DNHD1: variants seen among roughly 807,000 people sequenced by gnomAD.
DNHD1 encodes the protein dynein heavy chain domain-containing protein 1.
Under a neutral mutation model 458.1 loss-of-function variants are expected in DNHD1, and 383 were observed. That is an observed-to-expected ratio of 0.84 (90% CI 0.77 to 0.91). The LOEUF is 0.91. DNHD1 is among the 40% of genes least tolerant of loss of function. The pLI is 0.00. For synonymous variants in DNHD1, 2,203 were observed against 2,376.9 expected (o/e 0.93, Z 2.13); for missense variants, 5,336 against 5,866.1 (o/e 0.91, Z 2.95).
intron 3 of DNHD1, among the ~76,000 whole-genome samples, chr11:6,501,300 G>T (rs1564993292): frequency 2.1e-5 from 1 of 48,210 alleles, no homozygotes; most frequent in Non-Finnish European, 3.9e-5. Flanking sequence ...TCTGGGTAGG[G>T]ATTTTTTTTT....
At position 6,518,711 on chromosome 11, in the gene DNHD1, A is replaced by G. The variant is rs145980895; in HGVS notation, c.1393-889A>G. ...TATGAAGTGGGAAGCACTGGGTATT[A>G]GGGAGTATTGTTAGAACATGGAAGA... On this transcript the variant is annotated intron_variant, in intron 7 of 42. Coordinates refer to ENST00000254579, the MANE Select transcript of DNHD1 (RefSeq NM_144666.3). Among the ~76,000 whole-genome samples the G allele has an allele frequency of 8.9e-3, 1,349 of 152,330 alleles. 19 individuals carry two copies. The highest frequency in any genetic ancestry group is 0.031 in the African/African-American group (1,268 of 41,562).
At chr11:6,541,162 T>C (rs899441024) in intron 18 of DNHD1, among the ~76,000 whole-genome samples, 3 of 152,208 alleles carry the variant, frequency 2.0e-5, no homozygotes, top group Non-Finnish European at 4.4e-5. Context: ...GGGAGTTACA[T>C]AGAAGACACT....
chr11:6,502,907 G>A lies in DNHD1; in HGVS notation c.901G>A (p.Ala301Thr), dbSNP rs745828515. 1 of 1,613,390 alleles carries A rather than the reference G, an allele frequency of 6.2e-7. No homozygotes were observed. The highest frequency in any genetic ancestry group is 8.5e-7 in the Non-Finnish European group (1 of 1,179,742). ...KKIHFLYLNV[A>T]PSRYFRPYSL... ...GATCCACTTCCTCTATCTCAATGTG[G>A]CTCCCAGCCGGTACTTTAGGTGATA... Residue 301 changes from alanine to threonine, a missense_variant, in exon 4 of 43, where the codon GCT (alanine) becomes ACT (threonine). By Grantham distance (58) the Ala-to-Thr change is moderately conservative (BLOSUM62 0). This residue lies in a region of DNHD1 where 3,932 missense variants were observed against 4,365.6 expected (regional missense o/e 0.90). Coordinates refer to ENST00000254579, the MANE Select transcript of DNHD1 (RefSeq NM_144666.3).
In DNHD1 at chr11:6,566,935, G is replaced by A. The variant is rs376586528; in HGVS notation, c.11426G>A (p.Arg3809His). The part of the protein sequence containing the change: ...LTMLLFQNPK[R>H]QKPAKFLRNI... ...ATGCTGCTGTTCCAGAATCCGAAGC[G>A]TCAGAAGCCAGCCAAGTTTCTGCGG... The change falls in exon 36 of 43, where the codon CGT becomes CAT. Residue 3809 changes from arginine to histidine, a missense_variant. Arg to His is a conservative substitution (Grantham distance 29, BLOSUM62 0). This residue lies in a region of DNHD1 where 695 missense variants were observed against 804.2 expected (regional missense o/e 0.86). Transcript: ENST00000254579. The A allele has an allele frequency of 8.1e-5, 131 of 1,613,776 alleles. 1 individual carries two copies. The highest frequency in any genetic ancestry group is 3.1e-4 in the African/African-American group (23 of 75,038).
intron 28 of DNHD1, among the ~76,000 whole-genome samples, chr11:6,561,653 G>A (rs1196644015): frequency 3.9e-5 from 6 of 152,188 alleles, no homozygotes; most frequent in East Asian, 3.9e-4. Context: ...AGCACAGAGC[G>A]TGTATATAAC....
At position 6,523,402 on chromosome 11, in the gene DNHD1, A is replaced by AT. The variant is rs570822757; in HGVS notation, c.1837+3122dup. On this transcript the variant is annotated intron_variant, in intron 10 of 42. Coordinates refer to ENST00000254579, the MANE Select transcript of DNHD1 (RefSeq NM_144666.3). ...ATTTATAGATGAGAGAGAAGGAAAG[A>AT]TTTTTTTTTCCTTGCCGCTCTGTGA... Among the ~76,000 whole-genome samples, 1,388 of 151,376 alleles carry AT rather than the reference A, an allele frequency of 9.2e-3. 18 individuals carry two copies. Among genetic ancestry groups the AT allele is most frequent in the African/African-American group, 0.031 (1,262 of 41,204 alleles).
intron 17 of DNHD1, 103 bp downstream of exon 17, chr11:6,539,416 T>C (rs544327998): frequency 8.0e-6 from 7 of 874,288 alleles, no homozygotes; most frequent in South Asian, 1.5e-5. Flanking sequence ...TAATGTGGGG[T>C]TGAGCCTGCT....
chr11:6,564,254 CT>C, intron 31 of DNHD1, 78 bp from the exon 32 acceptor site: 1 of 1,454,570 alleles, frequency 6.9e-7, no homozygotes, highest in Admixed American at 2.1e-5. Flanking sequence ...CACACCCCAC[CT>C]TGCCCTCCCT....
chr11:6,527,329 A>G (rs1852731132), intron 10 of DNHD1, among the ~76,000 whole-genome samples: 1 of 152,096 alleles, frequency 6.6e-6, no homozygotes, highest in Non-Finnish European at 1.5e-5. Flanking sequence ...GGGCTGGGGG[A>G]GGAGGGCAGG....
intron 7 of DNHD1, among the ~76,000 whole-genome samples, chr11:6,512,281 C>T (rs1205437661): frequency 3.2e-5 from 4 of 123,510 alleles, no homozygotes; most frequent in East Asian, 2.5e-4. Context: ...AGTGCAGTGG[C>T]GGGATCTCGG....
At chr11:6,523,439 T>C (rs1565001650) in intron 10 of DNHD1, among the ~76,000 whole-genome samples, 2 of 151,992 alleles carry the variant, frequency 1.3e-5, no homozygotes, top group African/African-American at 4.8e-5. Context: ...AAAGCAACCT[T>C]GGAGGTATGA....
At position 6,568,209 on chromosome 11, in the gene DNHD1, C is replaced by A; in HGVS notation, c.12505C>A (p.Gln4169Lys). Reference sequence around the variant, plus strand: ...GCCCCATTGGCCGAAAGAGCTGCTACAGCTCTTGCTGGAACTGTTAGGCAG... The same window carrying A: ...GCCCCATTGGCCGAAAGAGCTGCTAAAGCTCTTGCTGGAACTGTTAGGCAG... ...LMPHWPKELLQLLLELLGRAK... is the reference protein window; with the variant it reads ...LMPHWPKELLKLLLELLGRAK... Residue 4169 changes from glutamine to lysine, a missense_variant, in exon 37 of 43, where the codon CAG (glutamine) becomes AAG (lysine). By Grantham distance (53) the Gln-to-Lys change is moderately conservative (BLOSUM62 1). This residue lies in a region of DNHD1 where 695 missense variants were observed against 804.2 expected (regional missense o/e 0.86). Transcript: ENST00000254579. 1.3e-6 allele frequency: 2 copies of A among 1,552,254 alleles called. No homozygotes were observed. The highest frequency in any genetic ancestry group is 1.7e-6 in the Non-Finnish European group (2 of 1,147,246).
In DNHD1 at chr11:6,539,997, C is replaced by T. The variant is rs1376879397; in HGVS notation, c.3542C>T (p.Pro1181Leu). The T allele has an allele frequency of 1.3e-6, 2 of 1,551,624 alleles. No homozygotes were observed. Among genetic ancestry groups the T allele is most frequent in the African/African-American group, 1.4e-5 (1 of 73,172 alleles). The part of the protein sequence containing the change: ...NFILHVPYEP[P>L]ASERSKRQVL... ...ATCCTGCATGTACCCTACGAGCCCC[C>T]AGCCTCAGAGCGCTCCAAGAGGCAG... Residue 1181 changes from proline to leucine, a missense_variant, in exon 18 of 43, where the codon CCA becomes CTA. Around this residue, in one of 4 missense-constraint regions of DNHD1, gnomAD observed 3,932 missense variants for 4,365.6 expected, o/e 0.90. Transcript: ENST00000254579.
chr11:6,570,723 G>A lies in DNHD1; in HGVS notation c.13211G>A (p.Trp4404Ter), dbSNP rs778180327. 1.3e-5 allele frequency: 21 copies of A among 1,611,082 alleles called. No homozygotes were observed. Among genetic ancestry groups the A allele is most frequent in the African/African-American group, 6.7e-5 (5 of 74,868 alleles). The change falls in exon 42 of 43, where the codon TGG (tryptophan) becomes TAG (stop). Residue 4404 changes from tryptophan (W) to a stop codon, truncating the protein, a stop_gained. Transcript: ENST00000254579. LOFTEE classifies it high-confidence loss of function. The part of the protein sequence containing the change: ...LCGLSEGPQA[W>*]LLRRQSRALL... ...GGACTGAGTGAGGGCCCCCAAGCCT[G>A]GCTGTTGCGACGCCAGAGTCGCGCT...
In DNHD1 at chr11:6,533,757, G is replaced by T; in HGVS notation, c.2582G>T (p.Arg861Leu). ...GTACGGGCACTCCACGAACTCATCCGCAACCACTTTAGCCTCTTTAGTGCT... is the reference window on the plus strand; with the variant it reads ...GTACGGGCACTCCACGAACTCATCCTCAACCACTTTAGCCTCTTTAGTGCT... The part of the protein sequence containing the change: ...EYVRALHELI[R>L]NHFSLFSAEN... The change falls in exon 14 of 43, where the codon CGC (arginine) becomes CTC (leucine). Residue 861 changes from arginine to leucine, a missense_variant. By Grantham distance (102) the Arg-to-Leu change is moderately radical (BLOSUM62 -2). This residue lies in a region of DNHD1 where 3,932 missense variants were observed against 4,365.6 expected (regional missense o/e 0.90). Transcript: ENST00000254579. 1 of 1,551,462 alleles carries T rather than the reference G, an allele frequency of 6.4e-7. No individual in the cohort carries two copies.
At chr11:6,523,182 TA>T (rs1182572018) in intron 10 of DNHD1, among the ~76,000 whole-genome samples, 1 of 152,240 alleles carries the variant, frequency 6.6e-6, no homozygotes, top group African/African-American at 2.4e-5. Context: ...AAGGATTGCC[TA>T]ATTTTAATTA....
In DNHD1 at chr11:6,511,353, C is replaced by T; in HGVS notation, c.1316C>T (p.Ala439Val). 1 of 1,614,234 alleles carries T rather than the reference C, an allele frequency of 6.2e-7. No individual in the cohort carries two copies. Residue 439 changes from alanine (A) to valine (V), a missense_variant, in exon 7 of 43, where the codon GCT (alanine) becomes GTT (valine). This residue lies in a region of DNHD1 where 3,932 missense variants were observed against 4,365.6 expected (regional missense o/e 0.90). Transcript: ENST00000254579. The part of the protein sequence containing the change: ...RCYELLDLQT[A>V]LAEEKHKALR... The stretch of plus-strand genomic sequence containing the variant: ...TATGAGCTGCTGGACCTGCAGACGG[C>T]TCTAGCCGAGGAGAAGCATAAGGCT...
In DNHD1 at chr11:6,548,127, G is replaced by C. The variant is rs746305268; in HGVS notation, c.6906-83G>C. ...AAAAACCCACATGACATCACTGTTA[G>C]GGTATGGTGGAGTGTGTGAGTGTGT... On this transcript the variant is annotated intron_variant, in intron 22 of 42. Coordinates refer to ENST00000254579, the MANE Select transcript of DNHD1 (RefSeq NM_144666.3). The surrounding 1 kb of genome is among the most constrained non-coding windows in gnomAD (Gnocchi z 4.4). The C allele has an allele frequency of 7.8e-6, 12 of 1,545,072 alleles. No homozygotes were observed. In the South Asian group the frequency reaches 1.4e-4, roughly 18 times the overall value.
rs529921618 is a variant in DNHD1, at chr11:6,547,113, A to G, written c.6174A>G (p.Val2058=). 13 of 1,551,724 alleles carry G rather than the reference A, an allele frequency of 8.4e-6. No individual in the cohort carries two copies. The African/African-American group carries it at 1.6e-4, about 20-fold the overall frequency. ...GGCATCATGGCATCTTTCCCAAGGTACTTCGTGCAGCCGGTCAGTGTAACA... is the reference window on the plus strand; with the variant it reads ...GGCATCATGGCATCTTTCCCAAGGTGCTTCGTGCAGCCGGTCAGTGTAACA... The part of the protein sequence containing the change: ...SCWHHGIFPK[V]LRAAGQCNNM... Residue 2058 remains valine, a synonymous_variant, in exon 21 of 43, where the codon GTA becomes GTG. Coordinates refer to ENST00000254579, the MANE Select transcript of DNHD1 (RefSeq NM_144666.3).
Sources: gnomAD v4.1 joint callset for allele counts (sites outside exome capture counted in the v4.1 genomes callset) on GRCh38, gnomAD v4.1.1 for gene constraint, gnomAD v4.1.1 regional missense constraint, Gnocchi (gnomAD v3.1) non-coding constraint, MANE v1.5 for transcripts, NCBI Gene and HGNC (gene_info 2026-07-23, HGNC 2026-07-21) for gene names.